The following KIF1B variants were observed in gnomAD, a reference collection of about 807,000 sequenced individuals.
KIF1B encodes the protein kinesin-like protein KIF1B.
KIF1B carries 76 observed loss-of-function variants against 241.9 expected under a neutral mutation model. That is an observed-to-expected ratio of 0.31 (90% CI 0.26 to 0.38). KIF1B has a LOEUF of 0.38. Ranked by LOEUF, KIF1B falls within the 10% of genes least tolerant of loss-of-function variation. The pLI, the probability that KIF1B is intolerant of heterozygous loss-of-function variation, is 1.00. For missense variants in KIF1B, 1,622 were observed against 2,271.4 expected, an observed-to-expected ratio of 0.71 and a Z score of 5.81; for synonymous variants, 750 against 796.7, an observed-to-expected ratio of 0.94 and a Z score of 0.99.
rs1035373795 is a variant in KIF1B, at chr1:10,361,692, C to T, written c.4171C>T (p.Leu1391=). The T allele has an allele frequency of 1.6e-5, 26 of 1,613,714 alleles. No individual in the cohort carries two copies. In the Admixed American group the frequency reaches 2.8e-4, roughly 18 times the overall value. The change falls in exon 40 of 49, where the codon CTG becomes TTG. Residue 1391 remains leucine, a splice_region_variant and synonymous_variant. Transcript: ENST00000676179. The stretch of plus-strand genomic sequence containing the variant: ...CAGCACCTACCCTGTCTGCTTTCAG[C>T]TGGATCATTGCATCCAGCCGGCTGT... ...IYMTLSAYLE[L]DHCIQPAVIT... is the part of the protein sequence containing the mutation.
intron 37 of KIF1B, among the ~76,000 whole-genome samples, chr1:10,351,834 G>A (rs1652804841): frequency 6.6e-6 from 1 of 152,124 alleles, no homozygotes; most frequent in Non-Finnish European, 1.5e-5. Context: ...ATAGCTGGAT[G>A]TGGTGCTGCA....
chr1:10,254,794 G>A (rs886462146), intron 2 of KIF1B, among the ~76,000 whole-genome samples: 2 of 147,954 alleles, frequency 1.4e-5, no homozygotes, highest in Non-Finnish European at 3.0e-5. Flanking sequence ...GGAGAATGGC[G>A]TGAACCTGGG....
At chr1:10,311,215 C>CTT (rs201700385) in intron 22 of KIF1B, among the ~76,000 whole-genome samples, 26 of 136,960 alleles carry the variant, frequency 1.9e-4, no homozygotes, top group East Asian at 2.1e-4. Flanking sequence ...ACCTCCCATT[C>CTT]TTTTTTTTTT....
At chr1:10,284,421 C>T (rs916333928) in intron 15 of KIF1B, among the ~76,000 whole-genome samples, 3 of 152,282 alleles carry the variant, frequency 2.0e-5, no homozygotes, top group East Asian at 3.9e-4. Context: ...CTTAGTGGCT[C>T]ATGCCTGTAA....
At chr1:10,215,327 C>G (rs1223227659) in intron 1 of KIF1B, among the ~76,000 whole-genome samples, 4 of 150,594 alleles carry the variant, frequency 2.7e-5, no homozygotes, top group Non-Finnish European at 5.9e-5. Flanking sequence ...CAGGCCTGTG[C>G]CACCACGCCC....
chr1:10,311,976 C>T (rs190099714), intron 22 of KIF1B, among the ~76,000 whole-genome samples: 1 of 151,624 alleles, frequency 6.6e-6, no homozygotes, highest in Non-Finnish European at 1.5e-5. Flanking sequence ...CACATACTTT[C>T]CCAGTGTAAC....
rs1638820004 is a variant in KIF1B, at chr1:10,374,160, C to T, written c.4947-156C>T. Among the ~76,000 whole-genome samples, 1 of 152,182 alleles carries T rather than the reference C, an allele frequency of 6.6e-6. No individual in the cohort carries two copies. Among genetic ancestry groups the T allele is most frequent in the South Asian group, 2.1e-4 (1 of 4,834 alleles). ...GAACGCAGAGTTAACTTTCTGAAGC[C>T]AGCTTGTCTCCTCAGCTGAGCTCTC... is the stretch of plus-strand genomic sequence containing the variant. On this transcript the variant is annotated intron_variant, in intron 45 of 48. Transcript: ENST00000676179. The surrounding 1 kb of genome is among the most constrained non-coding windows in gnomAD (Gnocchi z 4.3).
intron 5 of KIF1B, among the ~76,000 whole-genome samples, chr1:10,267,005 T>C (rs963674945): frequency 4.8e-5 from 7 of 145,262 alleles, no homozygotes; most frequent in African/African-American, 1.8e-4. Context: ...TGTTTTCTTT[T>C]TCTTTCTTTC....
chr1:10,294,020 G>A (rs1182781526), intron 17 of KIF1B, among the ~76,000 whole-genome samples: 1 of 152,158 alleles, frequency 6.6e-6, no homozygotes. Context: ...AACTACAAAG[G>A]GGGATGCTAG....
rs1441220974 is a variant in KIF1B at position 10,377,126 on chromosome 1, A to G, written c.*539A>G. On this transcript the variant is annotated 3_prime_UTR_variant, in exon 49 of 49. Coordinates refer to ENST00000676179, the MANE Select transcript of KIF1B (RefSeq NM_001365951.3). The stretch of plus-strand genomic sequence containing the variant: ...TCTGGCCTTTTTAGAACCTGAGAGG[A>G]AAAAAAGAGTCTTTTTTTCCCCTCT... 1 of 240,242 alleles carries G rather than the reference A, an allele frequency of 4.2e-6. No homozygotes were observed. Among genetic ancestry groups the G allele is most frequent in the African/African-American group, 2.2e-5 (1 of 45,254 alleles). 14.9% of individuals were successfully genotyped at this position (240,242 alleles called of 1,614,324 possible). A position where few individuals can be genotyped will look rare whatever the true frequency, so the allele number is the denominator to read the frequency against.
intron 45 of KIF1B, among the ~76,000 whole-genome samples, chr1:10,372,651 T>TC (rs1638768871): frequency 8.5e-6 from 1 of 117,098 alleles, no homozygotes; most frequent in Middle Eastern, 4.5e-3. Context: ...GCGCGCCAGC[T>TC]TGGGTGACAG....
chr1:10,354,912 C>T (rs1006687931), intron 38 of KIF1B, among the ~76,000 whole-genome samples: 2 of 152,192 alleles, frequency 1.3e-5, no homozygotes, highest in African/African-American at 2.4e-5. Context: ...GTTGAACTTA[C>T]CTGCAATTTG....
intron 14 of KIF1B, among the ~76,000 whole-genome samples, chr1:10,280,631 A>T (rs1165830732): frequency 1.3e-5 from 2 of 152,216 alleles, no homozygotes; most frequent in Non-Finnish European, 2.9e-5. Flanking sequence ...GGCTGTGGTT[A>T]TGAGGTTAGG....
chr1:10,239,742 A>C (rs1419409925), intron 2 of KIF1B, among the ~76,000 whole-genome samples: 1 of 150,468 alleles, frequency 6.6e-6, no homozygotes, highest in Non-Finnish European at 1.5e-5. Context: ...AGAGTAGTGA[A>C]GACTACAGGC....
intron 40 of KIF1B, among the ~76,000 whole-genome samples, chr1:10,362,440 C>T (rs1412033237): frequency 6.7e-6 from 1 of 149,514 alleles, no homozygotes; most frequent in African/African-American, 2.5e-5. Flanking sequence ...AGAGCCACTG[C>T]ACTCCAGCCT....
At chr1:10,304,535 A>G (rs779943449) in intron 22 of KIF1B, 6 of 1,613,922 alleles carry the variant, frequency 3.7e-6, no homozygotes, top group South Asian at 1.1e-5. Context: ...GCCACTTCCT[A>G]TCAGAAGCAG....
rs1231187230 is a variant in KIF1B at position 10,360,939 on chromosome 1, C to T, written c.4066C>T (p.Arg1356Cys). 3.1e-6 allele frequency: 5 copies of T among 1,612,844 alleles called. No individual in the cohort carries two copies. The highest frequency in any genetic ancestry group is 2.2e-5 in the East Asian group (1 of 44,862). ...TCTTTCTGACCTTAGGACCTTCTAC[C>T]GCTTTGAGGCTGTGTGGGATAGCTC... is the stretch of plus-strand genomic sequence containing the variant. ...SSHNSSRTFY[R>C]FEAVWDSSLH... The change falls in exon 39 of 49, where the codon CGC becomes TGC. Residue 1356 changes from arginine to cysteine, a missense_variant. By Grantham distance (180) the Arg-to-Cys change is radical. This residue lies in a region of KIF1B where 803 missense variants were observed against 1,112.0 expected (regional missense o/e 0.72). Transcript: ENST00000676179.
chr1:10,339,307 A>G (rs1054741608), intron 31 of KIF1B, among the ~76,000 whole-genome samples: 2 of 152,242 alleles, frequency 1.3e-5, no homozygotes, highest in African/African-American at 2.4e-5. Context: ...CAAAGCTGCC[A>G]GGGTAAGTCA....
Position 10,303,943 on chromosome 1 carries a change from C to T in KIF1B, c.2115+6697C>T, listed in dbSNP as rs1192934341. On this transcript the variant is annotated intron_variant, in intron 22 of 48. Coordinates refer to ENST00000676179, the MANE Select transcript of KIF1B (RefSeq NM_001365951.3). This position sits in a 1 kb window ranked among gnomAD's most constrained non-coding sequence, Gnocchi z 5.2. ...TCCAGCTTTTAGACGTGGACGTCTG[C>T]GCTGGATGAGGCAAGAGCAAATTCG... 1.9e-6 allele frequency: 3 copies of T among 1,614,134 alleles called. No homozygotes were observed. The highest frequency in any genetic ancestry group is 2.2e-5 in the East Asian group (1 of 44,868).
Sources: allele counts gnomAD v4.1 joint callset (sites outside exome capture counted in the v4.1 genomes callset), GRCh38; gene constraint gnomAD v4.1.1; regional missense constraint gnomAD v4.1.1; non-coding constraint Gnocchi (gnomAD v3.1); transcripts MANE v1.5; gene names NCBI Gene and HGNC (gene_info 2026-07-23, HGNC 2026-07-21).